FAM186B: variants seen among roughly 807,000 people sequenced by gnomAD.
The protein encoded by FAM186B is family with sequence similarity 186 member B, also known as protein FAM186B.
FAM186B carries 68 observed loss-of-function variants against 83.4 expected under a neutral mutation model. That is an observed-to-expected ratio of 0.81 (90% confidence interval 0.67 to 1.00). The LOEUF (loss-of-function observed/expected upper bound fraction) is 1.00. FAM186B is among the 50% of genes least tolerant of loss of function. The pLI, the probability that FAM186B is intolerant of heterozygous loss-of-function variation, is 0.00. For missense variants in FAM186B, 983 were observed against 1,099.2 expected (o/e 0.89, Z 1.49); for synonymous variants, 389 against 422.0 (o/e 0.92, Z 0.96).
At chr12:49,601,840 C>T (rs543515589) in intron 3 of FAM186B, among the ~76,000 whole-genome samples, 31 of 152,150 alleles carry the variant, frequency 2.0e-4, no homozygotes, top group Admixed American at 4.6e-4. Context: ...TTGGAGCATC[C>T]ATTCATCTGC....
At chr12:49,619,422 C>T in the FAM186B span, 8 of 538,898 alleles carry the variant, frequency 1.5e-5, no homozygotes, top group Non-Finnish European at 1.0e-5. Context: ...CCATTCATCC[C>T]CACTGGAATG....
chr12:49,619,115 A>G, the FAM186B span, among the ~76,000 whole-genome samples: 1 of 152,258 alleles, frequency 6.6e-6, no homozygotes, highest in Admixed American at 6.5e-5. Context: ...CCAGCCAAAC[A>G]ACCAATCCAA....
At chr12:49,614,550 G>A in the FAM186B span, among the ~76,000 whole-genome samples, 1 of 152,164 alleles carries the variant, frequency 6.6e-6, no homozygotes, top group Admixed American at 6.5e-5. Flanking sequence ...CCAGAAAGAT[G>A]GCAACAAAAG....
At chr12:49,586,016 GAC>G (rs1939435521), downstream of FAM186B, among the ~76,000 whole-genome samples, 1 of 152,144 alleles carries the variant, frequency 6.6e-6, no homozygotes, top group Non-Finnish European at 1.5e-5. Flanking sequence ...GGAGCAGCCT[GAC>G]ACGCAGGGAG....
upstream of FAM186B, among the ~76,000 whole-genome samples, chr12:49,608,552 A>G (rs890994990): frequency 1.5e-4 from 23 of 151,482 alleles, 1 homozygote; most frequent in Non-Finnish European, 3.2e-4. Flanking sequence ...TGGGGCTGTT[A>G]GTGTGCCTCA....
intron 5 of FAM186B, chr12:49,595,261 C>A: frequency 2.8e-6 from 2 of 702,854 alleles, no homozygotes; most frequent in Non-Finnish European, 5.0e-6. Context: ...ACAGTGTAGC[C>A]TTGATGTTTT....
Position 49,603,282 on chromosome 12 carries a change from T to C in FAM186B, c.408A>G (p.Lys136=). Residue 136 remains lysine, a synonymous_variant, in exon 3 of 7, where the codon AAA becomes AAG. Transcript: ENST00000257894. ...TGGCAATGAGGGACAGCGGTAACAC[T>C]TTCTCCGTCACTTCAATCCATTCGT... The part of the protein sequence containing the change: ...ALDEWIEVTE[K]VLPLSLIATK... 6.2e-7 allele frequency: 1 copy of C among 1,614,170 alleles called. No individual in the cohort carries two copies. Among genetic ancestry groups the C allele is most frequent in the South Asian group, 1.1e-5 (1 of 91,080 alleles).
intron 6 of FAM186B, 70 bp from the exon 7 acceptor site, chr12:49,587,822 G>A: frequency 6.6e-7 from 1 of 1,519,168 alleles, no homozygotes; most frequent in East Asian, 2.3e-5. Context: ...ACTCTCCAGA[G>A]CCATCAGGCC....
chr12:49,598,604 G>C, intron 5 of FAM186B, 151 bp downstream of exon 5: 1 of 722,862 alleles, frequency 1.4e-6, no homozygotes, highest in Admixed American at 2.9e-5. Context: ...TCTCCCTGGT[G>C]CAGAGGCTTT....
chr12:49,620,384 T>G, the FAM186B span, among the ~76,000 whole-genome samples: 46 of 152,214 alleles, frequency 3.0e-4, no homozygotes, highest in African/African-American at 1.1e-3. Flanking sequence ...AAAAAGTGCA[T>G]GGAGGCTGGG....
the FAM186B span, among the ~76,000 whole-genome samples, chr12:49,617,585 G>A: frequency 1.3e-5 from 2 of 152,118 alleles, no homozygotes; most frequent in African/African-American, 2.4e-5. Context: ...TACATTATAA[G>A]TTTAATTTCA....
intron 3 of FAM186B, 107 bp from the exon 4 acceptor site, chr12:49,601,241 G>T: frequency 7.1e-7 from 1 of 1,416,036 alleles, no homozygotes. Context: ...TTAGGGATTT[G>T]GCGAGAGTAG....
chr12:49,595,399 G>T, intron 5 of FAM186B: 1 of 534,110 alleles, frequency 1.9e-6, no homozygotes. Flanking sequence ...GATACTAAAG[G>T]AGCAGGAAAA....
Position 49,588,470 on chromosome 12 carries a change from G to A in FAM186B, c.2518C>T (p.Pro840Ser). 2 of 1,612,384 alleles carry A rather than the reference G, an allele frequency of 1.2e-6. No individual in the cohort carries two copies. The highest frequency in any genetic ancestry group is 1.7e-6 in the Non-Finnish European group (2 of 1,178,990). The change falls in exon 6 of 7, where the codon CCC becomes TCC. Residue 840 changes from proline to serine, a missense_variant. Physicochemically the swap from Pro to Ser is moderately conservative, Grantham distance 74. Coordinates refer to ENST00000257894, the MANE Select transcript of FAM186B (RefSeq NM_032130.3). ...AGAACCTACCGGGCCATCTGCAGGG[G>A]CACACATGCCCGGTGCCTAGACAGA... is the stretch of plus-strand genomic sequence containing the variant. ...PFLSRHRACV[P>S]LQMARQQGKQ...
downstream of FAM186B, among the ~76,000 whole-genome samples, chr12:49,586,290 T>C (rs1239543260): frequency 6.6e-6 from 1 of 152,084 alleles, no homozygotes; most frequent in Non-Finnish European, 1.5e-5. Flanking sequence ...AATTTTAGAA[T>C]TGTGCATGTT....
Position 49,600,641 on chromosome 12 carries a change from C to T in FAM186B, c.999G>A (p.Glu333=). The T allele has an allele frequency of 6.2e-7, 1 of 1,613,742 alleles. No homozygotes were observed. Among genetic ancestry groups the T allele is most frequent in the Non-Finnish European group, 8.5e-7 (1 of 1,179,806 alleles). Residue 333 remains glutamate (E), a synonymous_variant, in exon 4 of 7, where the codon GAG becomes GAA. Coordinates refer to ENST00000257894, the MANE Select transcript of FAM186B (RefSeq NM_032130.3). The surrounding 1 kb of genome is among the most constrained non-coding windows in gnomAD (Gnocchi z 4.3). ...AGGGACCTGGGGAGTCAACAGAAAC[C>T]TCAGCCAGGTCTTCTGCCTGACCTG... is the stretch of plus-strand genomic sequence containing the variant. The part of the protein sequence containing the change: ...NATGQAEDLA[E]VSVDSPGPSE...
chr12:49,593,752 C>T (rs1190470248), intron 5 of FAM186B, among the ~76,000 whole-genome samples: 1 of 151,904 alleles, frequency 6.6e-6, no homozygotes, highest in African/African-American at 2.4e-5. Flanking sequence ...GTGGCAGGAT[C>T]GCTTAAGGGC....
At chr12:49,603,159 C>T (rs770286886) in intron 3 of FAM186B, 26 bp downstream of exon 3, 170 of 1,613,524 alleles carry the variant, frequency 1.1e-4, no homozygotes, top group Non-Finnish European at 1.4e-4. Context: ...CACCTAGCTC[C>T]CTGGCCAGGT....
downstream of FAM186B, among the ~76,000 whole-genome samples, chr12:49,586,026 GA>G (rs1939435983): frequency 6.6e-6 from 1 of 152,212 alleles, no homozygotes; most frequent in Non-Finnish European, 1.5e-5. Flanking sequence ...GACACGCAGG[GA>G]GGTGGTGGCA....
Sources: allele counts gnomAD v4.1 joint callset (sites outside exome capture counted in the v4.1 genomes callset), GRCh38; gene constraint gnomAD v4.1.1; non-coding constraint Gnocchi (gnomAD v3.1); transcripts MANE v1.5; gene names NCBI Gene and HGNC (gene_info 2026-07-23, HGNC 2026-07-21).